The following ANKRD40 variants were observed in gnomAD, a reference collection of about 807,000 sequenced individuals.
The protein encoded by ANKRD40 is ankyrin repeat domain 40, also known as ankyrin repeat domain-containing protein 40.
A neutral mutation model predicts 35.5 loss-of-function variants in ANKRD40; 24 were observed. The ratio of observed to expected loss-of-function variants is 0.68; its 90% CI spans 0.49 to 0.95. The LOEUF is 0.95. Ranked by LOEUF, ANKRD40 falls within the 40% of genes least tolerant of loss-of-function variation. The pLI is 0.00. For synonymous variants in ANKRD40, 147 were observed against 173.5 expected, an observed-to-expected ratio of 0.85 and a Z score of 1.20; for missense variants, 361 against 436.0, an observed-to-expected ratio of 0.83 and a Z score of 1.53.
intron 3 of ANKRD40, among the ~76,000 whole-genome samples, chr17:50,698,985 CAAAAAAAAAA>C (rs5820829): frequency 7.0e-4 from 49 of 69,610 alleles, no homozygotes; most frequent in African/African-American, 2.6e-3. Flanking sequence ...ACTAAAAATA[CAAAAAAAAAA>C]AAAAAAAAAA....
At chr17:50,700,466 A>G in intron 2 of ANKRD40, 102 bp downstream of exon 2, 1 of 1,229,002 alleles carries the variant, frequency 8.1e-7, no homozygotes, top group Non-Finnish European at 1.1e-6. Context: ...AAAAAGAAAG[A>G]AATAGAGCAG....
chr17:50,704,296 C>T (rs1179361508), intron 1 of ANKRD40, among the ~76,000 whole-genome samples: 1 of 151,954 alleles, frequency 6.6e-6, no homozygotes, highest in African/African-American at 2.4e-5. Flanking sequence ...GGGCAGATCA[C>T]CTGAGGTCAG....
intron 3 of ANKRD40, among the ~76,000 whole-genome samples, chr17:50,697,572 T>C (rs886451400): frequency 1.8e-4 from 27 of 152,146 alleles, no homozygotes; most frequent in African/African-American, 6.5e-4. Flanking sequence ...ATCTGTAAAA[T>C]ATGAAACTCC....
intron 1 of ANKRD40, among the ~76,000 whole-genome samples, chr17:50,706,659 T>C (rs1409159291): frequency 1.3e-5 from 2 of 150,838 alleles, no homozygotes; most frequent in Non-Finnish European, 3.0e-5. Flanking sequence ...CCCAGCACTT[T>C]TGGAGGCTGA....
intron 1 of ANKRD40, among the ~76,000 whole-genome samples, chr17:50,702,591 G>C (rs1429395421): frequency 6.6e-6 from 1 of 152,144 alleles, no homozygotes; most frequent in Non-Finnish European, 1.5e-5. Flanking sequence ...AATGAAGCAT[G>C]ATGAGAAAAA....
In ANKRD40 at chr17:50,694,956, C is replaced by T. The variant is rs1346922991; in HGVS notation, c.*1041G>A. The T allele has an allele frequency of 6.6e-6, 1 of 152,182 alleles. No homozygotes were observed. Among genetic ancestry groups the T allele is most frequent in the Non-Finnish European group, 1.5e-5 (1 of 68,026 alleles). 9.4% of individuals were successfully genotyped at this position (152,182 alleles called of 1,614,324 possible). On this transcript the variant is annotated 3_prime_UTR_variant, in exon 5 of 5. Coordinates refer to ENST00000285243, the MANE Select transcript of ANKRD40 (RefSeq NM_052855.4). ...CCTTTAAAATAGCAACAGATTCAGT[C>T]TCAAAAATTGCTTTTCATTTGTAGT...
At chr17:50,697,423 G>A (rs1269760797) in intron 3 of ANKRD40, among the ~76,000 whole-genome samples, 1 of 152,224 alleles carries the variant, frequency 6.6e-6, no homozygotes, top group Non-Finnish European at 1.5e-5. Context: ...TGCCATTGGA[G>A]CTAAGGAGGC....
At chr17:50,706,463 G>T (rs1968340241) in intron 1 of ANKRD40, among the ~76,000 whole-genome samples, 1 of 152,114 alleles carries the variant, frequency 6.6e-6, no homozygotes, top group Non-Finnish European at 1.5e-5. Context: ...TTTAAATGCA[G>T]AGAGCGGAAT....
rs1447134156 is a variant in ANKRD40 at position 50,699,734 on chromosome 17, G to C, written c.443C>G (p.Pro148Arg). The change falls in exon 3 of 5, where the codon CCC (proline) becomes CGC (arginine). Residue 148 changes from proline to arginine, a missense_variant. Pro to Arg is a moderately radical substitution (Grantham distance 103, BLOSUM62 -2). Transcript: ENST00000285243. ...EDSAQMQNGG[P>R]STPPASPPAD... The stretch of plus-strand genomic sequence containing the variant: ...AGGGGGTGATGCAGGGGGTGTGGAG[G>C]GGCCCCCATTCTGCATCTGGGCTGA... 1 of 1,612,642 alleles carries C rather than the reference G, an allele frequency of 6.2e-7. No individual in the cohort carries two copies. Among genetic ancestry groups the C allele is most frequent in the Admixed American group, 1.7e-5 (1 of 59,950 alleles).
At position 50,699,859 on chromosome 17, in the gene ANKRD40, G is replaced by A; in HGVS notation, c.318C>T (p.Asp106=). 1 of 1,515,648 alleles carries A rather than the reference G, an allele frequency of 6.6e-7. No individual in the cohort carries two copies. The highest frequency in any genetic ancestry group is 1.3e-5 in the South Asian group (1 of 74,666). 93.9% of individuals were successfully genotyped at this position (1,515,648 alleles called of 1,614,324 possible). A position where few individuals can be genotyped will look rare whatever the true frequency, so the allele number is the denominator to read the frequency against. ...EEEDDDDDDD[D]NLPQLKKESE... is the part of the protein sequence containing the mutation. ...ACTCCTTCTTCAGCTGGGGGAGGTT[G>A]TCATCATCATCATCATCATCATCTT... The change falls in exon 3 of 5, where the codon GAC becomes GAT. Residue 106 remains aspartate (D), a synonymous_variant. Transcript: ENST00000285243.
At chr17:50,700,443 CG>C (rs200111170) in intron 2 of ANKRD40, 124 bp downstream of exon 2, 2 of 941,682 alleles carry the variant, frequency 2.1e-6, no homozygotes, top group South Asian at 1.9e-5. Context: ...AACTCCGTCT[CG>C]GAAAAAAAAA....
chr17:50,702,280 A>C (rs1219110444), intron 1 of ANKRD40, among the ~76,000 whole-genome samples: 1 of 152,054 alleles, frequency 6.6e-6, no homozygotes, highest in Non-Finnish European at 1.5e-5. Context: ...CATGTCTGTA[A>C]TCCCAGCTAC....
chr17:50,705,115 T>C (rs8076264), intron 1 of ANKRD40, among the ~76,000 whole-genome samples: 141,804 of 143,400 alleles, frequency 0.99, 70,115 homozygotes, highest in South Asian at 1. Flanking sequence ...TGCGAGACTC[T>C]GTCTCAAAAA....
rs930758579 is a variant in ANKRD40, at chr17:50,695,940, T to C, written c.*57A>G. On this transcript the variant is annotated 3_prime_UTR_variant, in exon 5 of 5. Coordinates refer to ENST00000285243, the MANE Select transcript of ANKRD40 (RefSeq NM_052855.4). ...AGGCATTTAGATCAATGGCTTGTCCTTGGCCCAGAGGTGATGCACACTGTC... is the reference window on the plus strand; with the variant it reads ...AGGCATTTAGATCAATGGCTTGTCCCTGGCCCAGAGGTGATGCACACTGTC... The C allele has an allele frequency of 6.3e-7, 1 of 1,590,314 alleles. No individual in the cohort carries two copies. The highest frequency in any genetic ancestry group is 2.2e-5 in the East Asian group (1 of 44,616).
chr17:50,706,671 G>C (rs1033013938), intron 1 of ANKRD40, among the ~76,000 whole-genome samples: 1 of 150,716 alleles, frequency 6.6e-6, no homozygotes, highest in African/African-American at 2.4e-5. Flanking sequence ...GGAGGCTGAG[G>C]CGGGTGGATC....
At chr17:50,701,019 C>G (rs547035754) in intron 1 of ANKRD40, 1 of 243,894 alleles carries the variant, frequency 4.1e-6, no homozygotes, top group Non-Finnish European at 8.0e-6. Context: ...GGAATATACT[C>G]TATCAGTATC....
In ANKRD40 at chr17:50,707,665, CCCCAGGCCCCCG is replaced by C. The variant is rs770016206; in HGVS notation, c.-23_-12del. Reference sequence around the variant, plus strand: ...TAGGAGGGCGTTCATCTTCCCACAGCCCCAGGCCCCCGCCCAGGCCCGCCTGCCCCGCCCCGC... The same window carrying C: ...TAGGAGGGCGTTCATCTTCCCACAGCCCCAGGCCCGCCTGCCCCGCCCCGC... On this transcript the variant is annotated 5_prime_UTR_variant, in exon 1 of 5. Transcript: ENST00000285243. This position sits in a 1 kb window ranked among gnomAD's most constrained non-coding sequence, Gnocchi z 4.8. 1.3e-6 allele frequency: 2 copies of C among 1,516,716 alleles called. No homozygotes were observed. The highest frequency in any genetic ancestry group is 2.4e-5 in the South Asian group (2 of 81,710). 94.0% of individuals were successfully genotyped at this position (1,516,716 alleles called of 1,614,324 possible).
rs1440999435 is a variant in ANKRD40, at chr17:50,700,747, A to T, written c.135-31T>A. 7 of 1,581,954 alleles carry T rather than the reference A, an allele frequency of 4.4e-6. No homozygotes were observed. The Admixed American group carries it at 1.2e-4, about 28-fold the overall frequency. On this transcript the variant is annotated intron_variant, in intron 1 of 4. Coordinates refer to ENST00000285243, the MANE Select transcript of ANKRD40 (RefSeq NM_052855.4). Reference sequence around the variant, plus strand: ...CCAAAGAAAATAATGATTGAAAAAGAGGAGAAGTGATTTTGGATTTCAGAT... The same window carrying T: ...CCAAAGAAAATAATGATTGAAAAAGTGGAGAAGTGATTTTGGATTTCAGAT...
chr17:50,698,279 T>C (rs1968223635), intron 3 of ANKRD40, among the ~76,000 whole-genome samples: 5 of 152,054 alleles, frequency 3.3e-5, no homozygotes, highest in Admixed American at 2.6e-4. Context: ...CCAAGAACAA[T>C]GAAGACACAT....
Sources: gnomAD v4.1 joint callset for allele counts (sites outside exome capture counted in the v4.1 genomes callset) on GRCh38, gnomAD v4.1.1 for gene constraint, Gnocchi (gnomAD v3.1) non-coding constraint, MANE v1.5 for transcripts, NCBI Gene and HGNC (gene_info 2026-07-23, HGNC 2026-07-21) for gene names.